NCAM2: variants seen among roughly 807,000 people sequenced by gnomAD.
The protein encoded by NCAM2 is neural cell adhesion molecule 2.
In NCAM2, 30 loss-of-function variants were observed where a neutral mutation model predicts 98.1. The observed-to-expected ratio is 0.31, with a 90% CI of 0.23 to 0.41. The LOEUF (loss-of-function observed/expected upper bound fraction) is 0.41. NCAM2 is among the 10% of genes least tolerant of loss of function. The probability of loss-of-function intolerance (pLI) is 1.00; values close to 1 mark genes in which losing one functional copy is unlikely to be tolerated. For synonymous variants in NCAM2, 368 were observed against 342.4 expected (o/e 1.07, Z -0.83); for missense variants, 867 against 1,005.8 (o/e 0.86, Z 1.87).
chr21:21,323,489 TA>T lies in NCAM2; in HGVS notation c.620-888del, dbSNP rs373131134. Among the ~76,000 whole-genome samples, 1,277 of 152,244 alleles carry T rather than the reference TA, an allele frequency of 8.4e-3. 18 individuals are homozygous for T. The highest frequency in any genetic ancestry group is 0.029 in the African/African-American group (1,219 of 41,570). ...CCTGTCTGGTATTGTTTAGTATATGTAAAAAATATTAATATACTTAATTTTA... is the reference window on the plus strand; with the variant it reads ...CCTGTCTGGTATTGTTTAGTATATGTAAAAATATTAATATACTTAATTTTA... On this transcript the variant is annotated intron_variant, in intron 5 of 17. Transcript: ENST00000400546.
intron 1 of NCAM2, among the ~76,000 whole-genome samples, chr21:21,130,945 A>C (rs2066920156): frequency 6.6e-6 from 1 of 152,206 alleles, no homozygotes; most frequent in Non-Finnish European, 1.5e-5. Flanking sequence ...AACGTGATCA[A>C]CGTTATTGAT....
intron 1 of NCAM2, among the ~76,000 whole-genome samples, chr21:21,137,936 C>CTG (rs1555889744): frequency 1.7e-5 from 2 of 119,844 alleles, no homozygotes; most frequent in East Asian, 2.5e-4. Context: ...GAAGGTGACA[C>CTG]TGGATTTGTG....
chr21:21,314,234 T>G (rs2074148044), intron 5 of NCAM2, among the ~76,000 whole-genome samples: 1 of 152,110 alleles, frequency 6.6e-6, no homozygotes, highest in South Asian at 2.1e-4. Flanking sequence ...GTAATAGTTT[T>G]CCTTTACCTT....
intron 8 of NCAM2, among the ~76,000 whole-genome samples, chr21:21,340,983 T>C (rs947504081): frequency 6.6e-6 from 1 of 152,088 alleles, no homozygotes; most frequent in African/African-American, 2.4e-5. Context: ...ATGTTTATCA[T>C]ATTATAAATA....
intron 1 of NCAM2, among the ~76,000 whole-genome samples, chr21:21,192,680 C>T (rs1009902379): frequency 6.6e-6 from 1 of 151,930 alleles, no homozygotes; most frequent in African/African-American, 2.4e-5. Flanking sequence ...ATGAAAAATC[C>T]ACAAAGGGCT....
intron 12 of NCAM2, among the ~76,000 whole-genome samples, chr21:21,450,481 A>G (rs577215193): frequency 6.6e-6 from 1 of 151,950 alleles, no homozygotes; most frequent in Non-Finnish European, 1.5e-5. Context: ...AGTAGCTGGG[A>G]CTACACACGG....
intron 11 of NCAM2, among the ~76,000 whole-genome samples, chr21:21,423,768 A>T (rs2077160230): frequency 6.6e-6 from 1 of 152,010 alleles, no homozygotes; most frequent in Non-Finnish European, 1.5e-5. Context: ...ACCCTGTCAA[A>T]TTCAATATTT....
At chr21:21,127,474 T>C (rs1286829072) in intron 1 of NCAM2, among the ~76,000 whole-genome samples, 1 of 152,146 alleles carries the variant, frequency 6.6e-6, no homozygotes, top group Non-Finnish European at 1.5e-5. Flanking sequence ...TTCCAGATCT[T>C]CTCTTCTAGC....
intron 1 of NCAM2, among the ~76,000 whole-genome samples, chr21:21,248,676 C>A (rs1275242850): frequency 6.8e-6 from 1 of 146,778 alleles, no homozygotes; most frequent in Non-Finnish European, 1.5e-5. Flanking sequence ...ACTAGTGAGG[C>A]TGAGGCAGGA....
chr21:21,514,798 A>T (rs1988617913), intron 16 of NCAM2, among the ~76,000 whole-genome samples: 1 of 152,166 alleles, frequency 6.6e-6, no homozygotes, highest in South Asian at 2.1e-4. Flanking sequence ...GACATCTCAG[A>T]TGACAGAATT....
intron 1 of NCAM2, among the ~76,000 whole-genome samples, chr21:21,201,153 C>T (rs865977899): frequency 2.6e-5 from 4 of 152,094 alleles, no homozygotes; most frequent in Non-Finnish European, 5.9e-5. Flanking sequence ...ATTTTCATCC[C>T]ATTTCTTTGC....
Position 21,005,823 on chromosome 21 carries a change from C to G in NCAM2, c.55+7205C>G, listed in dbSNP as rs1021009293. Reference sequence around the variant, plus strand: ...GAACGCCCCCCCCAAAAAAAAAACCCTAAAAACTGACATGAAAAAAGATTT... The same window carrying G: ...GAACGCCCCCCCCAAAAAAAAAACCGTAAAAACTGACATGAAAAAAGATTT... On this transcript the variant is annotated intron_variant, in intron 1 of 17. Coordinates refer to ENST00000400546, the MANE Select transcript of NCAM2 (RefSeq NM_004540.5). Among the ~76,000 whole-genome samples, 10 of 151,568 alleles carry G rather than the reference C, an allele frequency of 6.6e-5. No homozygotes were observed. In the South Asian group the frequency reaches 8.3e-4, roughly 13 times the overall value.
chr21:21,158,181 T>C (rs2067672583), intron 1 of NCAM2, among the ~76,000 whole-genome samples: 1 of 152,192 alleles, frequency 6.6e-6, no homozygotes, highest in South Asian at 2.1e-4. Flanking sequence ...TGGAATATAG[T>C]GTGTACTGAA....
intron 1 of NCAM2, among the ~76,000 whole-genome samples, chr21:21,065,594 C>T (rs1307386658): frequency 5.9e-5 from 9 of 152,048 alleles, no homozygotes; most frequent in Admixed American, 1.3e-4. Context: ...TTAAAAATGA[C>T]GCCTTGAAAA....
At chr21:21,112,419 C>T (rs910570490) in intron 1 of NCAM2, among the ~76,000 whole-genome samples, 21 of 152,102 alleles carry the variant, frequency 1.4e-4, no homozygotes, top group African/African-American at 2.9e-4. Flanking sequence ...CATTTTTTCC[C>T]GCTTGCTTGC....
intron 3 of NCAM2, among the ~76,000 whole-genome samples, chr21:21,284,715 T>A (rs942850698): frequency 6.6e-6 from 1 of 151,792 alleles, no homozygotes; most frequent in Non-Finnish European, 1.5e-5. Flanking sequence ...TCAGCATTTT[T>A]TTTTTCACTG....
chr21:21,509,132 TGTAGGGTAAAGGA>T (rs1321880189), intron 16 of NCAM2, 77 bp downstream of exon 16: 9 of 1,426,544 alleles, frequency 6.3e-6, no homozygotes, highest in Middle Eastern at 2.4e-4. Context: ...CTGAGGGCGT[TGTAGGGTAAAGGA>T]GTAGGGTAAA....
intron 1 of NCAM2, among the ~76,000 whole-genome samples, chr21:21,068,646 T>C (rs112631677): frequency 6.6e-6 from 1 of 151,498 alleles, no homozygotes; most frequent in Non-Finnish European, 1.5e-5. Flanking sequence ...TTTTAGTAGA[T>C]AAGGGGTTTC....
Position 21,361,491 on chromosome 21 carries a change from A to T in NCAM2, c.1045-12372A>T, listed in dbSNP as rs117916330. On this transcript the variant is annotated intron_variant, in intron 8 of 17. Coordinates refer to ENST00000400546, the MANE Select transcript of NCAM2 (RefSeq NM_004540.5). ...TTCTTACTATGCTGTTCACTTCCTC[A>T]ATCTCTTTTGATCATTCTTTGTCTT... 5.4e-3 allele frequency among the ~76,000 whole-genome samples: 814 copies of T among 151,898 alleles called. 4 individuals are homozygous for T. Among genetic ancestry groups the T allele is most frequent in the Non-Finnish European group, 9.0e-3 (614 of 67,950 alleles).
Sources: gnomAD v4.1 joint callset for allele counts (sites outside exome capture counted in the v4.1 genomes callset) on GRCh38, gnomAD v4.1.1 for gene constraint, MANE v1.5 for transcripts, NCBI Gene and HGNC (gene_info 2026-07-23, HGNC 2026-07-21) for gene names.